The following NOL4 variants were observed in gnomAD, a reference collection of about 807,000 sequenced individuals.
The protein encoded by NOL4 is nucleolar protein 4.
A neutral mutation model predicts 75.9 loss-of-function variants in NOL4; 17 were observed. The ratio of observed to expected loss-of-function variants is 0.22; its 90% CI spans 0.15 to 0.34. The LOEUF (loss-of-function observed/expected upper bound fraction) is 0.34. NOL4 is among the 10% of genes least tolerant of loss of function. NOL4 has a pLI of 1.00. For missense variants in NOL4, 614 were observed against 793.5 expected (o/e 0.77, Z 2.72); for synonymous variants, 292 against 289.9 (o/e 1.01, Z -0.07).
chr18:34,140,502 C>T (rs904832190), intron 1 of NOL4, among the ~76,000 whole-genome samples: 2 of 151,896 alleles, frequency 1.3e-5, no homozygotes, highest in East Asian at 1.9e-4. Flanking sequence ...GGATTGCAAC[C>T]CCTGCCTTTT....
chr18:34,093,628 T>A, intron 4 of NOL4, 31 bp from the exon 5 acceptor site: 1 of 1,518,148 alleles, frequency 6.6e-7, no homozygotes, highest in Non-Finnish European at 9.0e-7. Flanking sequence ...TCATCAAGCA[T>A]TTTAACGTAT....
chr18:34,165,469 T>C (rs1013026677), intron 1 of NOL4, among the ~76,000 whole-genome samples: 5 of 152,164 alleles, frequency 3.3e-5, no homozygotes, highest in African/African-American at 7.2e-5. Context: ...GTATTTCACA[T>C]AGCATTAGAA....
intron 9 of NOL4, among the ~76,000 whole-genome samples, chr18:33,893,929 C>T (rs2065246250): frequency 6.6e-6 from 1 of 152,070 alleles, no homozygotes; most frequent in East Asian, 1.9e-4. Context: ...TAATGAAGGC[C>T]TCAGTTTGCC....
At chr18:33,897,740 T>A (rs1020953114) in intron 9 of NOL4, among the ~76,000 whole-genome samples, 1 of 152,118 alleles carries the variant, frequency 6.6e-6, no homozygotes, top group African/African-American at 2.4e-5. Context: ...AACCTTCACA[T>A]GTACCTCCAA....
intron 2 of NOL4, among the ~76,000 whole-genome samples, chr18:34,117,109 A>G (rs958971930): frequency 2.0e-5 from 3 of 152,194 alleles, no homozygotes; most frequent in African/African-American, 7.2e-5. Flanking sequence ...ATTGTTTTCC[A>G]TTAATTGAGT....
chr18:33,860,707 G>A (rs2063076443), intron 10 of NOL4, among the ~76,000 whole-genome samples: 1 of 151,846 alleles, frequency 6.6e-6, no homozygotes. Flanking sequence ...TCCCTGTCTT[G>A]TGCCAGTTTT....
At chr18:34,079,882 T>C (rs2077923293) in intron 5 of NOL4, among the ~76,000 whole-genome samples, 1 of 152,226 alleles carries the variant, frequency 6.6e-6, no homozygotes, top group South Asian at 2.1e-4. Context: ...CTATTAATTT[T>C]AAAATATCTA....
chr18:33,899,254 C>A (rs927677541), intron 9 of NOL4, among the ~76,000 whole-genome samples: 1 of 152,126 alleles, frequency 6.6e-6, no homozygotes, highest in African/African-American at 2.4e-5. Context: ...AGTCATTGGT[C>A]ACCTCTTAAT....
intron 4 of NOL4, among the ~76,000 whole-genome samples, chr18:34,100,161 C>T (rs1247243126): frequency 6.6e-6 from 1 of 151,982 alleles, no homozygotes. Context: ...CATTCTAAGG[C>T]CAACTTTTCC....
At chr18:34,084,199 G>A (rs1412923734) in intron 5 of NOL4, among the ~76,000 whole-genome samples, 1 of 152,126 alleles carries the variant, frequency 6.6e-6, no homozygotes, top group Non-Finnish European at 1.5e-5. Flanking sequence ...TTGGTGGAGC[G>A]GGTGTGCTGG....
At chr18:34,067,862 G>A (rs1314831403) in intron 5 of NOL4, among the ~76,000 whole-genome samples, 2 of 151,938 alleles carry the variant, frequency 1.3e-5, no homozygotes, top group Non-Finnish European at 2.9e-5. Flanking sequence ...GGGTATATAA[G>A]CCTGGTTTGG....
At chr18:34,018,621 C>G (rs1267415998) in intron 6 of NOL4, among the ~76,000 whole-genome samples, 1 of 151,878 alleles carries the variant, frequency 6.6e-6, no homozygotes, top group African/African-American at 2.4e-5. Context: ...AGCAAAGTCA[C>G]CAGCATGTGT....
chr18:34,011,622 C>A (rs1390596794), intron 6 of NOL4, among the ~76,000 whole-genome samples: 1 of 151,708 alleles, frequency 6.6e-6, no homozygotes, highest in Non-Finnish European at 1.5e-5. Flanking sequence ...GACAAGCACA[C>A]ACACACACTT....
intron 1 of NOL4, among the ~76,000 whole-genome samples, chr18:34,164,215 G>A (rs1456105014): frequency 1.3e-5 from 2 of 151,776 alleles, no homozygotes; most frequent in Non-Finnish European, 2.9e-5. Context: ...CAAAAGCAAT[G>A]GCAACAAAAG....
intron 1 of NOL4, among the ~76,000 whole-genome samples, chr18:34,151,779 G>T (rs188150263): frequency 8.6e-5 from 13 of 151,958 alleles, no homozygotes; most frequent in Admixed American, 5.9e-4. Context: ...GATAGCAGGG[G>T]TGCTTATGAG....
chr18:33,899,712 T>C (rs2065635356), intron 9 of NOL4, among the ~76,000 whole-genome samples: 1 of 152,142 alleles, frequency 6.6e-6, no homozygotes, highest in African/African-American at 2.4e-5. Context: ...GGAACTCCCT[T>C]TTCCCTCTGT....
Position 33,883,281 on chromosome 18 carries a change from T to A in NOL4, c.1686A>T (p.Gly562=). ...CATCATTCAGATTTAGCAGACCCCC[T>A]CCTAGCCCTCTGTAACTATGGTAAC... ...TYSYHSYRGL[G]GGLLNLNDAS... The change falls in exon 10 of 11, where the codon GGA becomes GGT. Residue 562 remains glycine (G), a synonymous_variant. Coordinates refer to ENST00000261592, the MANE Select transcript of NOL4 (RefSeq NM_003787.5). 6.2e-7 allele frequency: 1 copy of A among 1,611,874 alleles called. No homozygotes were observed. Among genetic ancestry groups the A allele is most frequent in the East Asian group, 2.2e-5 (1 of 44,822 alleles).
intron 5 of NOL4, among the ~76,000 whole-genome samples, chr18:34,046,592 T>A (rs893604139): frequency 2.5e-5 from 2 of 78,470 alleles, no homozygotes; most frequent in African/African-American, 4.4e-5. Context: ...TTTTAAAATT[T>A]ACTATTTACT....
intron 8 of NOL4, among the ~76,000 whole-genome samples, chr18:33,947,335 T>C (rs1035197440): frequency 2.0e-5 from 3 of 151,694 alleles, no homozygotes; most frequent in African/African-American, 7.2e-5. Flanking sequence ...AAAACATAAT[T>C]AGCAGAGTGT....
Sources: gnomAD v4.1 joint callset for allele counts (sites outside exome capture counted in the v4.1 genomes callset) on GRCh38, gnomAD v4.1.1 for gene constraint, MANE v1.5 for transcripts, NCBI Gene and HGNC (gene_info 2026-07-23, HGNC 2026-07-21) for gene names.